Variants in SYNGR1 observed in about 807,000 individuals in gnomAD.
SYNGR1 encodes the protein synaptogyrin-1.
SYNGR1 carries 14 observed loss-of-function variants against 26.1 expected under a neutral mutation model. The ratio of observed to expected loss-of-function variants is 0.54; its 90% CI spans 0.35 to 0.84. The LOEUF (loss-of-function observed/expected upper bound fraction) is 0.84. Among genes scored for constraint, SYNGR1 ranks in the 40% least tolerant of loss-of-function variants. SYNGR1 has a pLI of 0.01. For missense variants in SYNGR1, 319 were observed against 332.9 expected, an observed-to-expected ratio of 0.96 and a Z score of 0.33; for synonymous variants, 141 against 150.1, an observed-to-expected ratio of 0.94 and a Z score of 0.44.
intron 3 of SYNGR1, among the ~76,000 whole-genome samples, chr22:39,376,689 G>C (rs536620514): frequency 6.6e-6 from 1 of 152,154 alleles, no homozygotes; most frequent in Non-Finnish European, 1.5e-5. Context: ...CACAGGTGTC[G>C]ACATCAGATG....
At chr22:39,362,014 CCTT>C (rs1341033455) in intron 1 of SYNGR1, among the ~76,000 whole-genome samples, 1 of 82,614 alleles carries the variant, frequency 1.2e-5, no homozygotes, top group Admixed American at 1.0e-4. Context: ...TCCTTTCTCT[CCTT>C]TTTTTTTTTT....
In SYNGR1 at chr22:39,350,419, C is replaced by A. The variant is rs12166817; in HGVS notation, c.99+310C>A. On this transcript the variant is annotated intron_variant, in intron 1 of 3. Transcript: ENST00000328933. This position sits in a 1 kb window ranked among gnomAD's most constrained non-coding sequence, Gnocchi z 4.3. ...TGTGACCTCCAGGCCGCGGCTATGC[C>A]GCGAAAGGCTCGGATTGTGCGCGGC... 0.51 allele frequency among the ~76,000 whole-genome samples: 76,907 copies of A among 151,970 alleles called. 20,244 individuals carry two copies. Among genetic ancestry groups the A allele is most frequent in the African/African-American group, 0.59 (24,506 of 41,444 alleles).
In SYNGR1 at chr22:39,355,267, C is replaced by T. The variant is rs555948151; in HGVS notation, c.99+5158C>T. Among the ~76,000 whole-genome samples the T allele has an allele frequency of 3.8e-4, 58 of 152,322 alleles. 1 individual carries two copies. Among genetic ancestry groups the T allele is most frequent in the Middle Eastern group, 3.4e-3 (1 of 294 alleles). ...GAGGGTCAAGGGTATTTCGGAAGCT[C>T]CTGTGGAAGCTTGGTTTGGAGAGGG... On this transcript the variant is annotated intron_variant, in intron 1 of 3. Coordinates refer to ENST00000328933, the MANE Select transcript of SYNGR1 (RefSeq NM_004711.5).
In SYNGR1 at chr22:39,350,299, G is replaced by A. The variant is rs1923841063; in HGVS notation, c.99+190G>A. ...TCCTTCCCGGGCCCGGGGCGGGCGG[G>A]ATCCCTGGTGCTCGCGGGAGACGCC... On this transcript the variant is annotated intron_variant, in intron 1 of 3. Transcript: ENST00000328933. This position sits in a 1 kb window ranked among gnomAD's most constrained non-coding sequence, Gnocchi z 4.3. 6.6e-6 allele frequency among the ~76,000 whole-genome samples: 1 copy of A among 151,934 alleles called. No individual in the cohort carries two copies. Among genetic ancestry groups the A allele is most frequent in the African/African-American group, 2.4e-5 (1 of 41,414 alleles).
At chr22:39,355,146 C>T (rs1423278954) in intron 1 of SYNGR1, among the ~76,000 whole-genome samples, 1 of 152,184 alleles carries the variant, frequency 6.6e-6, no homozygotes, top group Admixed American at 6.5e-5. Flanking sequence ...AGGCTCGGGT[C>T]ACTACAAGAA....
At chr22:39,380,309 C>G (rs568319688) in intron 3 of SYNGR1, among the ~76,000 whole-genome samples, 3 of 152,180 alleles carry the variant, frequency 2.0e-5, no homozygotes, top group African/African-American at 7.2e-5. Flanking sequence ...AGCAGGTGAC[C>G]GAAATCCCAG....
chr22:39,369,438 G>A (rs2145622891), intron 1 of SYNGR1, among the ~76,000 whole-genome samples: 1 of 152,292 alleles, frequency 6.6e-6, no homozygotes, highest in East Asian at 1.9e-4. Flanking sequence ...ACTGAATCGA[G>A]TCGCCTGATC....
At chr22:39,374,707 A>T in intron 2 of SYNGR1, 154 bp downstream of exon 2, 1 of 820,506 alleles carries the variant, frequency 1.2e-6, no homozygotes, top group Non-Finnish European at 2.0e-6. Context: ...GGCTGGCAGC[A>T]GGAAGGATGG....
intron 1 of SYNGR1, among the ~76,000 whole-genome samples, chr22:39,367,020 G>A (rs2145620170): frequency 6.6e-6 from 1 of 152,302 alleles, no homozygotes; most frequent in Admixed American, 6.5e-5. Flanking sequence ...GGCACCTGTG[G>A]CTGCTTCTTC....
chr22:39,365,988 C>CTGTTTTTTTTTTTTTTT (rs1924735357), intron 1 of SYNGR1, among the ~76,000 whole-genome samples: 1 of 68,380 alleles, frequency 1.5e-5, no homozygotes, highest in East Asian at 9.8e-4. Context: ...TCAGCCCCTT[C>CTGTTTTTTTTTTTTTTT]TTTTTTTTTT....
Position 39,382,246 on chromosome 22 carries a change from G to A in SYNGR1, c.*332G>A. 1 of 449,432 alleles carries A rather than the reference G, an allele frequency of 2.2e-6. No individual in the cohort carries two copies. Among genetic ancestry groups the A allele is most frequent in the Non-Finnish European group, 4.1e-6 (1 of 242,124 alleles). 27.8% of individuals were successfully genotyped at this position (449,432 alleles called of 1,614,324 possible). A position where few individuals can be genotyped will look rare whatever the true frequency, so the allele number is the denominator to read the frequency against. On this transcript the variant is annotated 3_prime_UTR_variant, in exon 4 of 4. Transcript: ENST00000328933. ...ATGGGTGGTGACATTGGCAGAAATG[G>A]CCACTGGAAAGGGGAGCGATGAGCT...
chr22:39,361,733 C>T (rs923596596), intron 1 of SYNGR1, among the ~76,000 whole-genome samples: 2 of 152,020 alleles, frequency 1.3e-5, no homozygotes, highest in Non-Finnish European at 1.5e-5. Flanking sequence ...GGTACAACAG[C>T]GCCTACCCCA....
chr22:39,365,386 C>T (rs774231702), intron 1 of SYNGR1, among the ~76,000 whole-genome samples: 25 of 152,124 alleles, frequency 1.6e-4, no homozygotes, highest in African/African-American at 5.3e-4. Flanking sequence ...TGCCCAGCTG[C>T]GAGACCTGTG....
At chr22:39,376,326 C>A in intron 3 of SYNGR1, 129 bp downstream of exon 3, 1 of 1,484,380 alleles carries the variant, frequency 6.7e-7, no homozygotes, top group Non-Finnish European at 9.3e-7. Flanking sequence ...GCTCCCTCTT[C>A]TGCCTGCCTG....
chr22:39,356,758 G>A (rs530565362), intron 1 of SYNGR1, among the ~76,000 whole-genome samples: 1 of 152,296 alleles, frequency 6.6e-6, no homozygotes, highest in African/African-American at 2.4e-5. Context: ...ACCTGAGGCT[G>A]CGTTCTGCAC....
intron 3 of SYNGR1, among the ~76,000 whole-genome samples, chr22:39,376,496 T>C (rs1925293579): frequency 6.6e-6 from 1 of 151,704 alleles, no homozygotes; most frequent in African/African-American, 2.4e-5. Context: ...GTAAATGGTG[T>C]TTATTATCCC....
intron 1 of SYNGR1, among the ~76,000 whole-genome samples, chr22:39,366,707 C>T (rs1350210080): frequency 6.6e-6 from 1 of 152,154 alleles, no homozygotes; most frequent in African/African-American, 2.4e-5. Flanking sequence ...CTGCACCAGC[C>T]CCAGGCCTGT....
intron 1 of SYNGR1, among the ~76,000 whole-genome samples, chr22:39,351,994 A>G (rs923835540): frequency 6.6e-6 from 1 of 152,196 alleles, no homozygotes; most frequent in African/African-American, 2.4e-5. Flanking sequence ...GGGGTGCAAG[A>G]CCACACACAG....
chr22:39,382,088 C>T lies in SYNGR1; in HGVS notation c.*174C>T, dbSNP rs531670457. On this transcript the variant is annotated 3_prime_UTR_variant, in exon 4 of 4. Transcript: ENST00000328933. ...GCAGTCCAGTGTTGGGGACTGTCTA[C>T]GTATGTGCAAGTATATCCCAGGGCA... The T allele has an allele frequency of 3.7e-5, 26 of 697,808 alleles. No homozygotes were observed. The Admixed American group carries it at 4.9e-4, about 13-fold the overall frequency. The allele number at this position is 697,808 out of a possible 1,614,324, so 43.2% of individuals were successfully genotyped here.
Sources: allele counts gnomAD v4.1 joint callset (sites outside exome capture counted in the v4.1 genomes callset), GRCh38; gene constraint gnomAD v4.1.1; non-coding constraint Gnocchi (gnomAD v3.1); transcripts MANE v1.5; gene names NCBI Gene and HGNC (gene_info 2026-07-23, HGNC 2026-07-21).